The following RAB7A variants were observed in gnomAD, a reference collection of about 807,000 sequenced individuals.
RAB7A encodes the protein ras-related protein Rab-7a.
Under a neutral mutation model 24.5 loss-of-function variants are expected in RAB7A, and 2 were observed. That is an observed-to-expected ratio of 0.08 (90% CI 0.03 to 0.26). The LOEUF (loss-of-function observed/expected upper bound fraction) is 0.26, where lower values mean the gene tolerates loss of function less well. Among genes scored for constraint, RAB7A ranks in the 10% least tolerant of loss-of-function variants. The pLI is 1.00. For synonymous variants in RAB7A, 100 were observed against 95.9 expected (o/e 1.04, Z -0.25); for missense variants, 118 against 255.7 (o/e 0.46, Z 3.67).
chr3:128,808,154 C>T (rs1017234351), intron 5 of RAB7A, among the ~76,000 whole-genome samples: 4 of 151,846 alleles, frequency 2.6e-5, no homozygotes, highest in East Asian at 3.9e-4. Context: ...GTCAGGAGTT[C>T]GAGACCAGCC....
At chr3:128,781,012 C>A (rs1296337918) in intron 1 of RAB7A, among the ~76,000 whole-genome samples, 1 of 152,200 alleles carries the variant, frequency 6.6e-6, no homozygotes, top group Non-Finnish European at 1.5e-5. Context: ...AAATGTGACT[C>A]TCTACTGCCC....
chr3:128,745,269 G>C (rs933745036), intron 1 of RAB7A, among the ~76,000 whole-genome samples: 3 of 152,150 alleles, frequency 2.0e-5, no homozygotes, highest in Admixed American at 2.0e-4. Context: ...AATTCTGCAG[G>C]GAGGGTGCAA....
chr3:128,763,739 A>T (rs1350812718), intron 1 of RAB7A, among the ~76,000 whole-genome samples: 2 of 151,656 alleles, frequency 1.3e-5, no homozygotes, highest in African/African-American at 4.8e-5. Context: ...TTTCCCATCC[A>T]CCTTTCACCT....
At chr3:128,750,135 G>C (rs982074830) in intron 1 of RAB7A, among the ~76,000 whole-genome samples, 2 of 152,182 alleles carry the variant, frequency 1.3e-5, no homozygotes, top group African/African-American at 4.8e-5. Context: ...AGAACTTGTT[G>C]GGAACTAGAG....
intron 1 of RAB7A, among the ~76,000 whole-genome samples, chr3:128,786,282 C>T (rs1250657572): frequency 1.3e-5 from 2 of 152,134 alleles, no homozygotes. Context: ...ACTATTCAGG[C>T]CCTAATTAGA....
chr3:128,770,570 T>C (rs2070875778), intron 1 of RAB7A, among the ~76,000 whole-genome samples: 1 of 151,780 alleles, frequency 6.6e-6, no homozygotes, highest in Admixed American at 6.6e-5. Flanking sequence ...CGCTGGAGAG[T>C]CATGGGGGAG....
At chr3:128,742,893 C>T (rs1159589925) in intron 1 of RAB7A, among the ~76,000 whole-genome samples, 3 of 152,202 alleles carry the variant, frequency 2.0e-5, no homozygotes, top group Non-Finnish European at 4.4e-5. Context: ...GGGCCACGGG[C>T]GGAGCTGCCC....
intron 1 of RAB7A, among the ~76,000 whole-genome samples, chr3:128,752,400 A>G (rs963060140): frequency 3.3e-5 from 5 of 152,132 alleles, no homozygotes; most frequent in Non-Finnish European, 5.9e-5. Context: ...GTAAAGGAGG[A>G]TGAGAAAATA....
chr3:128,779,118 A>G (rs2107604285), intron 1 of RAB7A, among the ~76,000 whole-genome samples: 1 of 152,330 alleles, frequency 6.6e-6, no homozygotes, highest in Middle Eastern at 3.4e-3. Context: ...ATGACTTTTA[A>G]GGATTCATTG....
At chr3:128,738,217 T>C (rs9870719) in intron 1 of RAB7A, among the ~76,000 whole-genome samples, 87,211 of 151,598 alleles carry the variant, frequency 0.58, 27,954 homozygotes, top group African/African-American at 0.86. Flanking sequence ...TTTTTGATAG[T>C]GACAGGGTCT....
chr3:128,764,431 T>A, intron 1 of RAB7A: 2 of 744,046 alleles, frequency 2.7e-6, no homozygotes, highest in East Asian at 4.9e-5. Context: ...GACCAGGGAA[T>A]TCGCCCCATG....
chr3:128,771,619 T>A (rs1442907631), intron 1 of RAB7A, among the ~76,000 whole-genome samples: 1 of 152,234 alleles, frequency 6.6e-6, no homozygotes, highest in African/African-American at 2.4e-5. Flanking sequence ...TTTACAGATT[T>A]AGGGATTTAG....
rs977043584 is a variant in RAB7A, at chr3:128,764,976, G to C, written c.-8-30384G>C. The C allele has an allele frequency of 2.8e-5, 45 of 1,596,012 alleles. No homozygotes were observed. The Admixed American group carries it at 7.5e-4, about 27-fold the overall frequency. On this transcript the variant is annotated intron_variant, in intron 1 of 5. Transcript: ENST00000265062. Reference sequence around the variant, plus strand: ...CGTTGATGGCGGCCTCTGAGTCCTGGTGGTAGTTCTGGCGCACCTGCGAGG... The same window carrying C: ...CGTTGATGGCGGCCTCTGAGTCCTGCTGGTAGTTCTGGCGCACCTGCGAGG...
At chr3:128,796,059 C>T (rs934181489) in intron 2 of RAB7A, among the ~76,000 whole-genome samples, 3 of 152,004 alleles carry the variant, frequency 2.0e-5, no homozygotes, top group South Asian at 2.1e-4. Flanking sequence ...CCCAGATGTG[C>T]GTTCTTAGTG....
At chr3:128,771,416 A>G (rs748704374) in intron 1 of RAB7A, among the ~76,000 whole-genome samples, 1 of 152,220 alleles carries the variant, frequency 6.6e-6, no homozygotes, top group East Asian at 1.9e-4. Context: ...ATGTTGTAGC[A>G]GGTTAATAAG....
At chr3:128,794,534 C>CT (rs1479414758) in intron 1 of RAB7A, among the ~76,000 whole-genome samples, 3 of 152,190 alleles carry the variant, frequency 2.0e-5, no homozygotes, top group African/African-American at 7.2e-5. Flanking sequence ...AAAGAGGAAA[C>CT]TAACAAGTAG....
chr3:128,753,208 G>T (rs1303610361), intron 1 of RAB7A, among the ~76,000 whole-genome samples: 2 of 152,154 alleles, frequency 1.3e-5, no homozygotes, highest in African/African-American at 4.8e-5. Context: ...ATTGTCATAT[G>T]CAGCAACATG....
chr3:128,788,587 G>A (rs192677003), intron 1 of RAB7A, among the ~76,000 whole-genome samples: 13 of 152,198 alleles, frequency 8.5e-5, no homozygotes, highest in African/African-American at 3.1e-4. Flanking sequence ...CCATGGATAA[G>A]TGGGTACTAC....
chr3:128,730,332 C>T (rs746322867), intron 1 of RAB7A, among the ~76,000 whole-genome samples: 8 of 151,990 alleles, frequency 5.3e-5, no homozygotes, highest in Non-Finnish European at 1.0e-4. Flanking sequence ...CAGATTCATG[C>T]CATTCTCCTG....
Sources: allele counts gnomAD v4.1 joint callset (sites outside exome capture counted in the v4.1 genomes callset), GRCh38; gene constraint gnomAD v4.1.1; transcripts MANE v1.5; gene names NCBI Gene and HGNC (gene_info 2026-07-23, HGNC 2026-07-21).